ASS1: variants seen among roughly 807,000 people sequenced by gnomAD.
The protein encoded by ASS1 is argininosuccinate synthase.
A neutral mutation model predicts 60.5 loss-of-function variants in ASS1; 58 were observed. That is an observed-to-expected ratio of 0.96 (90% CI 0.78 to 1.19). ASS1 has a LOEUF of 1.19. ASS1 is among the 50% of genes most tolerant of loss of function. ASS1 has a pLI of 0.00. For missense variants in ASS1, 454 were observed against 547.3 expected (o/e 0.83, Z 1.70); for synonymous variants, 200 against 206.9 (o/e 0.97, Z 0.29).
intron 1 of ASS1, among the ~76,000 whole-genome samples, chr9:130,451,314 G>A (rs542883619): frequency 3.4e-4 from 51 of 152,226 alleles, no homozygotes; most frequent in African/African-American, 1.2e-3. Context: ...GCTGCAGAGA[G>A]CCCTCGTGCC....
At chr9:130,475,918 G>A (rs1452786512) in intron 8 of ASS1, among the ~76,000 whole-genome samples, 5 of 151,916 alleles carry the variant, frequency 3.3e-5, no homozygotes, top group Admixed American at 1.3e-4. Context: ...CGCCATACCC[G>A]GATAATTTCT....
Position 130,458,556 on chromosome 9 carries a change from G to A in ASS1, c.330G>A (p.Gly110=), listed in dbSNP as rs780445340. Residue 110 remains glycine (G), a synonymous_variant, in exon 4 of 15, where the codon GGG becomes GGA. Transcript: ENST00000352480. Reference sequence around the variant, plus strand: ...AAGTGGAAATCGCCCAGCGGGAGGGGGCCAAGTATGTGTCCCACGGCGCCA... The same window carrying A: ...AAGTGGAAATCGCCCAGCGGGAGGGAGCCAAGTATGTGTCCCACGGCGCCA... ...RKQVEIAQRE[G]AKYVSHGATG... 45 of 1,613,190 alleles carry A rather than the reference G, an allele frequency of 2.8e-5. No individual in the cohort carries two copies. In the African/African-American group the frequency reaches 5.5e-4, roughly 20 times the overall value.
intron 3 of ASS1, among the ~76,000 whole-genome samples, chr9:130,456,673 G>C (rs749483354): frequency 6.6e-6 from 1 of 152,068 alleles, no homozygotes; most frequent in Non-Finnish European, 1.5e-5. Flanking sequence ...GCCTTGGCTG[G>C]GTGCGGTGGC....
rs1277327727 is a variant in ASS1 at position 130,470,420 on chromosome 9, A to G, written c.496-414A>G. ...ACCTGTCCTGGGGTCCACAGGAAGC[A>G]CTGCCTGGGCTCTGGTGCCAGGTGC... On this transcript the variant is annotated intron_variant, in intron 6 of 14. Coordinates refer to ENST00000352480, the MANE Select transcript of ASS1 (RefSeq NM_054012.4). The surrounding 1 kb of genome is among the most constrained non-coding windows in gnomAD (Gnocchi z 4.3). Among the ~76,000 whole-genome samples, 6 of 152,138 alleles carry G rather than the reference A, an allele frequency of 3.9e-5. No homozygotes were observed. The highest frequency in any genetic ancestry group is 1.4e-4 in the African/African-American group (6 of 41,440).
At chr9:130,456,239 G>A (rs1845446275) in intron 3 of ASS1, among the ~76,000 whole-genome samples, 1 of 152,336 alleles carries the variant, frequency 6.6e-6, no homozygotes, top group Non-Finnish European at 1.5e-5. Context: ...GCTGAGGCAG[G>A]CAGATCACCT....
chr9:130,489,245 A>ATT lies in ASS1; in HGVS notation c.839-78_839-77dup, dbSNP rs374255376. On this transcript the variant is annotated intron_variant, in intron 11 of 14. Coordinates refer to ENST00000352480, the MANE Select transcript of ASS1 (RefSeq NM_054012.4). The surrounding 1 kb of genome is among the most constrained non-coding windows in gnomAD (Gnocchi z 4.1). ...TGTCAGACGACTCATTATTATTATTATTTTTTTTTTTGTCATTTGCTGACA... is the reference window on the plus strand; with the variant it reads ...TGTCAGACGACTCATTATTATTATTATTTTTTTTTTTTTGTCATTTGCTGACA... 66 of 1,364,728 alleles carry ATT rather than the reference A, an allele frequency of 4.8e-5. No homozygotes were observed. The highest frequency in any genetic ancestry group is 2.6e-4 in the Middle Eastern group (1 of 3,830). 84.5% of individuals were successfully genotyped at this position (1,364,728 alleles called of 1,614,324 possible).
Position 130,478,404 on chromosome 9 carries a change from A to G in ASS1, c.689-1312A>G, listed in dbSNP as rs1846076132. Reference sequence around the variant, plus strand: ...TGGCAGGCTGCGGAGGGTCCTGGGCACCAGGCTCTGGCAGCCCTGCCCGAG... The same window carrying G: ...TGGCAGGCTGCGGAGGGTCCTGGGCGCCAGGCTCTGGCAGCCCTGCCCGAG... On this transcript the variant is annotated intron_variant, in intron 9 of 14. Coordinates refer to ENST00000352480, the MANE Select transcript of ASS1 (RefSeq NM_054012.4). The surrounding 1 kb of genome is among the most constrained non-coding windows in gnomAD (Gnocchi z 4.7). 6.6e-6 allele frequency among the ~76,000 whole-genome samples: 1 copy of G among 152,048 alleles called. No individual in the cohort carries two copies. Among genetic ancestry groups the G allele is most frequent in the Non-Finnish European group, 1.5e-5 (1 of 68,012 alleles).
chr9:130,471,039 G>A, intron 7 of ASS1, 135 bp downstream of exon 7: 1 of 1,017,882 alleles, frequency 9.8e-7, no homozygotes, highest in Non-Finnish European at 1.5e-6. Flanking sequence ...CCTCAGGCAG[G>A]ACAGAGGTCG....
rs551844844 is a variant in ASS1, at chr9:130,457,671, C to T, written c.175-730C>T. On this transcript the variant is annotated intron_variant, in intron 3 of 14. Coordinates refer to ENST00000352480, the MANE Select transcript of ASS1 (RefSeq NM_054012.4). Reference sequence around the variant, plus strand: ...TTACCCACTAGATGCCAGAATTCCACCCCCCACCTGGTAGTTGTGGCAACC... The same window carrying T: ...TTACCCACTAGATGCCAGAATTCCATCCCCCACCTGGTAGTTGTGGCAACC... 6.6e-5 allele frequency among the ~76,000 whole-genome samples: 10 copies of T among 152,118 alleles called. No individual in the cohort carries two copies. The South Asian group carries it at 2.1e-3, about 32-fold the overall frequency.
At chr9:130,461,021 C>CA (rs34271203) in intron 4 of ASS1, among the ~76,000 whole-genome samples, 34,777 of 147,276 alleles carry the variant, frequency 0.24, 4,400 homozygotes, top group African/African-American at 0.34. Context: ...CTGTCCCAAA[C>CA]AAAAAAAAAA....
chr9:130,476,812 G>A lies in ASS1; in HGVS notation c.598-59G>A. On this transcript the variant is annotated intron_variant, in intron 8 of 14. Transcript: ENST00000352480. This position sits in a 1 kb window ranked among gnomAD's most constrained non-coding sequence, Gnocchi z 4.9. ...GGGTGCAGATCCCCGCGGGAGGTGG[G>A]CTGTAGGGTGTCCAGGGACTGGTAT... The A allele has an allele frequency of 6.7e-7, 1 of 1,487,504 alleles. No individual in the cohort carries two copies. The highest frequency in any genetic ancestry group is 2.3e-5 in the East Asian group (1 of 44,256). 92.1% of individuals were successfully genotyped at this position (1,487,504 alleles called of 1,614,324 possible). A position where few individuals can be genotyped will look rare whatever the true frequency, so the allele number is the denominator to read the frequency against.
chr9:130,444,784 G>C (rs1427339813), upstream of ASS1: 1 of 151,936 alleles, frequency 6.6e-6, no homozygotes, highest in Non-Finnish European at 1.5e-5. The surrounding 1 kb of genome is among the most constrained non-coding windows in gnomAD (Gnocchi z 4.7). Context: ...AGGTGGGGAC[G>C]AGGCCTGGGG....
intron 13 of ASS1, among the ~76,000 whole-genome samples, chr9:130,497,386 T>C (rs2991273): frequency 0.97 from 147,169 of 152,126 alleles, 71,348 homozygotes; most frequent in East Asian, 1. Context: ...GGAAATGCCG[T>C]GGCTCAGTAG....
chr9:130,499,856 C>T (rs949970887), intron 14 of ASS1, among the ~76,000 whole-genome samples: 1 of 152,224 alleles, frequency 6.6e-6, no homozygotes, highest in African/African-American at 2.4e-5. Flanking sequence ...CGCTAAGCCA[C>T]AGGGACTCCA....
Position 130,452,261 on chromosome 9 carries a change from C to T in ASS1, c.33C>T (p.Tyr11=), listed in dbSNP as rs574820010. The change falls in exon 2 of 15, where the codon TAC becomes TAT. Residue 11 remains tyrosine (Y), a synonymous_variant. Transcript: ENST00000352480. MSSKGSVVLA[Y]SGGLDTSCIL... is the part of the protein sequence containing the mutation. ...GCAAAGGCTCCGTGGTTCTGGCCTA[C>T]AGTGGCGGCCTGGACACCTCGTGCA... The T allele has an allele frequency of 1.3e-5, 21 of 1,614,200 alleles. No individual in the cohort carries two copies. The East Asian group carries it at 4.5e-4, about 34-fold the overall frequency.
In ASS1 at chr9:130,480,375, C is replaced by T. The variant is rs2118841498; in HGVS notation, c.774-10C>T. ...AGCGCCCGAACCTAATGGACCAGTT[C>T]TTCCCACAGGGGCAAGCATGGCGTG... is the stretch of plus-strand genomic sequence containing the variant. On this transcript the variant is annotated splice_polypyrimidine_tract_variant and intron_variant, in intron 10 of 14. Coordinates refer to ENST00000352480, the MANE Select transcript of ASS1 (RefSeq NM_054012.4). 1.9e-6 allele frequency: 3 copies of T among 1,614,190 alleles called. No individual in the cohort carries two copies. Among genetic ancestry groups the T allele is most frequent in the Non-Finnish European group, 2.5e-6 (3 of 1,180,024 alleles).
chr9:130,450,011 A>G (rs1177956175), intron 1 of ASS1, among the ~76,000 whole-genome samples: 2 of 152,204 alleles, frequency 1.3e-5, no homozygotes, highest in African/African-American at 4.8e-5. Context: ...CTGTTTTAAA[A>G]CATACAACAG....
At chr9:130,457,478 CA>C (rs569419096) in intron 3 of ASS1, among the ~76,000 whole-genome samples, 7 of 151,096 alleles carry the variant, frequency 4.6e-5, no homozygotes, top group Non-Finnish European at 8.9e-5. Context: ...CTCAAAAAAA[CA>C]AAAAAAAAGT....
At chr9:130,474,877 C>T (rs1463119993) in intron 8 of ASS1, among the ~76,000 whole-genome samples, 1 of 152,240 alleles carries the variant, frequency 6.6e-6, no homozygotes, top group African/African-American at 2.4e-5. Context: ...ATAGAGGCAT[C>T]AGGCTGGGGG....
Sources: gnomAD v4.1 joint callset for allele counts (sites outside exome capture counted in the v4.1 genomes callset) on GRCh38, gnomAD v4.1.1 for gene constraint, Gnocchi (gnomAD v3.1) non-coding constraint, MANE v1.5 for transcripts, NCBI Gene and HGNC (gene_info 2026-07-23, HGNC 2026-07-21) for gene names.